The following OCA2 variants were observed in gnomAD, a reference collection of about 807,000 sequenced individuals.
OCA2 encodes the protein P protein.
OCA2 carries 77 observed loss-of-function variants against 100.2 expected under a neutral mutation model. The observed-to-expected ratio is 0.77, with a 90% CI of 0.64 to 0.93. The LOEUF is 0.93. Among genes scored for constraint, OCA2 ranks in the 40% least tolerant of loss-of-function variants. The pLI is 0.00. For missense variants in OCA2, 1,062 were observed against 1,089.1 expected (o/e 0.98, Z 0.35); for synonymous variants, 432 against 439.2 (o/e 0.98, Z 0.21).
chr15:27,980,164 C>A (rs942921243), intron 14 of OCA2, among the ~76,000 whole-genome samples: 2 of 151,672 alleles, frequency 1.3e-5, no homozygotes, highest in Non-Finnish European at 2.9e-5. Flanking sequence ...CGCTCTGTTG[C>A]CCAGGCTGGA....
intron 23 of OCA2, among the ~76,000 whole-genome samples, chr15:27,844,679 T>G (rs1337179652): frequency 6.6e-6 from 1 of 152,124 alleles, no homozygotes; most frequent in Non-Finnish European, 1.5e-5. Flanking sequence ...TTTTTGTGTT[T>G]TCACCATGTT....
intron 23 of OCA2, among the ~76,000 whole-genome samples, chr15:27,808,300 G>A (rs1247405654): frequency 1.3e-5 from 2 of 152,258 alleles, no homozygotes; most frequent in Non-Finnish European, 2.9e-5. Context: ...AGCTGGGGAA[G>A]TGATGCTCGG....
chr15:27,996,162 C>A (rs1478642467), intron 9 of OCA2, among the ~76,000 whole-genome samples: 1 of 152,058 alleles, frequency 6.6e-6, no homozygotes, highest in Non-Finnish European at 1.5e-5. Flanking sequence ...AAATGGAAAT[C>A]AGAAAGTATC....
At chr15:27,770,492 C>A (rs1595379783) in intron 23 of OCA2, among the ~76,000 whole-genome samples, 1 of 148,520 alleles carries the variant, frequency 6.7e-6, no homozygotes, top group South Asian at 2.3e-4. Context: ...CGACCACCTC[C>A]CGGCTCCAGG....
intron 23 of OCA2, among the ~76,000 whole-genome samples, chr15:27,829,305 A>ATAGT (rs1566999756): frequency 2.0e-5 from 3 of 151,944 alleles, no homozygotes; most frequent in South Asian, 4.2e-4. Context: ...AGATAGATAG[A>ATAGT]TAGATAGATA....
intron 2 of OCA2, among the ~76,000 whole-genome samples, chr15:28,042,322 C>G (rs906851017): frequency 2.6e-5 from 4 of 152,000 alleles, no homozygotes; most frequent in African/African-American, 9.7e-5. Flanking sequence ...AATGAAGAAA[C>G]TCTTATTTTA....
intron 21 of OCA2, among the ~76,000 whole-genome samples, chr15:27,857,155 T>G (rs950304874): frequency 2.0e-5 from 3 of 152,186 alleles, no homozygotes; most frequent in Non-Finnish European, 4.4e-5. Flanking sequence ...AATAAAATGA[T>G]GTACAGACAG....
intron 2 of OCA2, among the ~76,000 whole-genome samples, chr15:28,042,129 T>TA (rs1357889992): frequency 1.3e-5 from 2 of 152,158 alleles, no homozygotes; most frequent in Non-Finnish European, 2.9e-5. Context: ...TTACATGCTA[T>TA]TTTTAAAGGA....
chr15:28,031,385 G>A (rs1202170774), intron 3 of OCA2, among the ~76,000 whole-genome samples: 2 of 152,214 alleles, frequency 1.3e-5, no homozygotes, highest in African/African-American at 4.8e-5. Context: ...AGGAAACATG[G>A]AGCAGGCGGC....
chr15:27,786,521 C>T (rs1197006473), intron 23 of OCA2, among the ~76,000 whole-genome samples: 1 of 152,134 alleles, frequency 6.6e-6, no homozygotes, highest in East Asian at 1.9e-4. Context: ...TAAAATTCAT[C>T]CTGTTTTATC....
chr15:27,830,556 G>C (rs1006384474), intron 23 of OCA2, among the ~76,000 whole-genome samples: 1 of 152,134 alleles, frequency 6.6e-6, no homozygotes, highest in Non-Finnish European at 1.5e-5. Flanking sequence ...ATTACATAAA[G>C]AGTAAAAGGC....
chr15:27,833,809 T>A (rs1286276046), intron 23 of OCA2, among the ~76,000 whole-genome samples: 4 of 152,108 alleles, frequency 2.6e-5, no homozygotes, highest in Non-Finnish European at 5.9e-5. Flanking sequence ...GTGAATGGCT[T>A]CTCCGGAGAT....
intron 19 of OCA2, among the ~76,000 whole-genome samples, 181 bp downstream of exon 19, chr15:27,925,936 GCTGTCAGAAA>G (rs1451763799): frequency 2.0e-5 from 3 of 152,140 alleles, no homozygotes; most frequent in Non-Finnish European, 4.4e-5. Flanking sequence ...AATACGCAGT[GCTGTCAGAAA>G]TCTCTCAGTG....
At chr15:27,777,949 AT>A (rs2032330637) in intron 23 of OCA2, among the ~76,000 whole-genome samples, 1 of 152,236 alleles carries the variant, frequency 6.6e-6, no homozygotes, top group South Asian at 2.1e-4. Flanking sequence ...GTCTGGAATA[AT>A]AAAGGCAGGC....
At chr15:27,871,501 C>T (rs1285417677) in intron 20 of OCA2, among the ~76,000 whole-genome samples, 1 of 152,226 alleles carries the variant, frequency 6.6e-6, no homozygotes, top group East Asian at 1.9e-4. Context: ...GGCAGAGTGA[C>T]CCTGCCCCTC....
intron 2 of OCA2, among the ~76,000 whole-genome samples, chr15:28,040,433 T>G (rs2043169799): frequency 6.6e-6 from 1 of 152,116 alleles, no homozygotes; most frequent in Non-Finnish European, 1.5e-5. Flanking sequence ...GCAACCTAAT[T>G]TTATACGATA....
At chr15:27,808,801 T>C (rs1367684249) in intron 23 of OCA2, among the ~76,000 whole-genome samples, 4 of 152,130 alleles carry the variant, frequency 2.6e-5, no homozygotes, top group Non-Finnish European at 5.9e-5. Flanking sequence ...GAGCTTCTCA[T>C]GGGGATCCCT....
At chr15:27,773,802 A>G (rs2032029005) in intron 23 of OCA2, among the ~76,000 whole-genome samples, 1 of 152,220 alleles carries the variant, frequency 6.6e-6, no homozygotes, top group South Asian at 2.1e-4. Flanking sequence ...TTCCTCTCAA[A>G]GCTTTGTCAT....
chr15:27,772,027 C>G (rs1242314265), intron 23 of OCA2, among the ~76,000 whole-genome samples: 1 of 152,180 alleles, frequency 6.6e-6, no homozygotes, highest in Non-Finnish European at 1.5e-5. Flanking sequence ...CCAAGCACAG[C>G]GTCAAGGCCT....
Sources: gnomAD v4.1 joint callset for allele counts (sites outside exome capture counted in the v4.1 genomes callset) on GRCh38, gnomAD v4.1.1 for gene constraint, MANE v1.5 for transcripts, NCBI Gene and HGNC (gene_info 2026-07-23, HGNC 2026-07-21) for gene names.